C10orf105: variants seen among roughly 807,000 people sequenced by gnomAD.
C10orf105 encodes the protein uncharacterized protein C10orf105.
A neutral mutation model predicts 0.6 loss-of-function variants in C10orf105; 2 were observed. That is an observed-to-expected ratio of 3.18 (90% CI 1.30 to 10.01). C10orf105 has a LOEUF of 10.01. Among genes scored for constraint, C10orf105 ranks in the 30% most tolerant of loss-of-function variants. C10orf105 has a pLI of 0.04. For synonymous variants in C10orf105, 95 were observed against 82.4 expected, an observed-to-expected ratio of 1.15 and a Z score of -0.83; for missense variants, 209 against 191.4, an observed-to-expected ratio of 1.09 and a Z score of -0.54.
At chr10:71,735,695 T>G (rs1232918605) in intron 1 of C10orf105, among the ~76,000 whole-genome samples, 1 of 152,174 alleles carries the variant, frequency 6.6e-6, no homozygotes, top group Non-Finnish European at 1.5e-5. Context: ...CAAACACAAT[T>G]TCTTGGGGTT....
upstream of C10orf105, among the ~76,000 whole-genome samples, chr10:71,721,234 C>T (rs1348057822): frequency 1.3e-5 from 2 of 152,198 alleles, no homozygotes; most frequent in African/African-American, 4.8e-5. Flanking sequence ...ACAATTGAAG[C>T]ACCCTGTTAC....
In C10orf105 at chr10:71,725,507, G is replaced by A. The variant is rs876657755; in HGVS notation, c.-5-9165C>T. On this transcript the variant is annotated intron_variant, in intron 1 of 1. Coordinates refer to the C10orf105 transcript ENST00000398786. ...TACAACCACGACCTGGGCCCCATGC[G>A]GAGCTCCGTCAGGGTGAGGCTAGGG... The A allele has an allele frequency of 8.7e-6, 14 of 1,613,204 alleles. No homozygotes were observed. The highest frequency in any genetic ancestry group is 3.3e-5 in the South Asian group (3 of 90,930).
chr10:71,722,172 G>A (rs891896883), upstream of C10orf105, among the ~76,000 whole-genome samples: 8 of 152,200 alleles, frequency 5.3e-5, no homozygotes, highest in African/African-American at 1.9e-4. Flanking sequence ...CAGACATGGT[G>A]GCTCATGCCT....
At chr10:71,735,809 G>A (rs180677556) in intron 1 of C10orf105, among the ~76,000 whole-genome samples, 6 of 152,342 alleles carry the variant, frequency 3.9e-5, no homozygotes, top group African/African-American at 1.4e-4. Flanking sequence ...CTGGGGGTGA[G>A]TGAGGCTGTG....
chr10:71,727,167 C>G (rs1564760750), intron 1 of C10orf105, among the ~76,000 whole-genome samples: 1 of 152,218 alleles, frequency 6.6e-6, no homozygotes, highest in Non-Finnish European at 1.5e-5. Flanking sequence ...CTGTTAATAC[C>G]CCCATCTTAC....
rs145772111 is a variant in C10orf105, at chr10:71,731,667, G to A, written c.-6+6061C>T. ...CAAGAGATCCTTCATTTCCCCCAAT[G>A]CTTGTATGTCCAGATATCAAAGGGA... On this transcript the variant is annotated intron_variant, in intron 1 of 1. Transcript: ENST00000398786. Among the ~76,000 whole-genome samples the A allele has an allele frequency of 1.3e-3, 197 of 152,284 alleles. 2 individuals are homozygous for A. In the Middle Eastern group the frequency reaches 0.024, roughly 18 times the overall value.
chr10:71,730,358 C>G, intron 1 of C10orf105: 1 of 1,408,838 alleles, frequency 7.1e-7, no homozygotes, highest in South Asian at 1.4e-5. Context: ...AGGGAGCTCA[C>G]AGCAGGCCCA....
chr10:71,727,211 G>C (rs985371246), intron 1 of C10orf105, among the ~76,000 whole-genome samples: 2 of 152,198 alleles, frequency 1.3e-5, no homozygotes, highest in African/African-American at 4.8e-5. Flanking sequence ...GGAATTAGCC[G>C]ACTTGTTCAG....
intron 1 of C10orf105, among the ~76,000 whole-genome samples, chr10:71,718,559 C>T (rs937910828): frequency 1.3e-5 from 2 of 152,208 alleles, no homozygotes; most frequent in Non-Finnish European, 2.9e-5. Context: ...ATGGGGTGTG[C>T]CCACCGCTCA....
At chr10:71,723,116 A>G (rs1178223458), upstream of C10orf105, among the ~76,000 whole-genome samples, 1 of 152,164 alleles carries the variant, frequency 6.6e-6, no homozygotes, top group African/African-American at 2.4e-5. Context: ...AGGTGGTGAG[A>G]CAAGAAGGGG....
rs1166886985 is a variant in C10orf105 at position 71,732,367 on chromosome 10, G to A, written c.-6+5361C>T. The A allele has an allele frequency of 8.3e-6, 13 of 1,562,616 alleles. No homozygotes were observed. The highest frequency in any genetic ancestry group is 4.1e-5 in the African/African-American group (3 of 73,470). ...GGCCAAAGCCCTCTTCAAGATAGAC[G>A]CCATCACGGTGAGGGGCTGGGGGCA... is the stretch of plus-strand genomic sequence containing the variant. On this transcript the variant is annotated intron_variant, in intron 1 of 1. Transcript: ENST00000398786.
chr10:71,725,296 C>A, intron 1 of C10orf105: 4 of 1,605,736 alleles, frequency 2.5e-6, no homozygotes, highest in Non-Finnish European at 3.4e-6. Flanking sequence ...ACTTCTGCCC[C>A]CAACCATGGC....
rs373366898 is a variant in C10orf105, at chr10:71,732,225, C to T, written c.-6+5503G>A. 18 of 1,613,750 alleles carry T rather than the reference C, an allele frequency of 1.1e-5. No homozygotes were observed. Among genetic ancestry groups the T allele is most frequent in the Admixed American group, 6.7e-5 (4 of 59,976 alleles). ...CCGTGCAGTTCTCCAATGCCTCATA[C>T]GAGGCTGCCATCCTGGAGAATCTGG... On this transcript the variant is annotated intron_variant, in intron 1 of 1. Coordinates refer to the C10orf105 transcript ENST00000398786.
chr10:71,719,300 C>T (rs2132784305), intron 1 of C10orf105, among the ~76,000 whole-genome samples: 1 of 152,294 alleles, frequency 6.6e-6, no homozygotes, highest in Non-Finnish European at 1.5e-5. Context: ...GGCCAGGAAT[C>T]ATCTGGAGGG....
In C10orf105 at chr10:71,734,549, C is replaced by G. The variant is rs1839501483; in HGVS notation, c.-6+3179G>C. The G allele has an allele frequency of 2.6e-5, 42 of 1,607,630 alleles. 1 individual carries two copies. In the South Asian group the frequency reaches 4.2e-4, roughly 16 times the overall value. ...ACCTCAGGCAGGTGGAGGGTGGCAC[C>G]TCCAGAGACACTGCCGGGAGTGGGG... On this transcript the variant is annotated intron_variant, in intron 1 of 1. Transcript: ENST00000398786.
At chr10:71,731,756 T>G (rs1449482979) in intron 1 of C10orf105, among the ~76,000 whole-genome samples, 1 of 152,068 alleles carries the variant, frequency 6.6e-6, no homozygotes, top group Non-Finnish European at 1.5e-5. Flanking sequence ...CTATCTCTGG[T>G]GCCAAGGCCA....
intron 1 of C10orf105, among the ~76,000 whole-genome samples, chr10:71,726,263 A>T (rs1866805439): frequency 6.6e-6 from 1 of 151,948 alleles, no homozygotes; most frequent in Non-Finnish European, 1.5e-5. Context: ...AGACATCAGG[A>T]GTAGGAGGGA....
upstream of C10orf105, among the ~76,000 whole-genome samples, chr10:71,722,875 G>C (rs1047015267): frequency 5.9e-5 from 9 of 152,212 alleles, no homozygotes; most frequent in Non-Finnish European, 1.2e-4. Flanking sequence ...GGAGAGAGTG[G>C]TGGGAAGTGG....
rs188380204 is a variant in C10orf105, at chr10:71,729,105, G to C, written c.-6+8623C>G. 2.6e-5 allele frequency among the ~76,000 whole-genome samples: 4 copies of C among 152,132 alleles called. No individual in the cohort carries two copies. The East Asian group carries it at 7.7e-4, about 29-fold the overall frequency. ...CCACTTCAACCTCCCAAATTTCTGC[G>C]ATTACAGGCAAAAGCCACCATGCCT... is the stretch of plus-strand genomic sequence containing the variant. On this transcript the variant is annotated intron_variant, in intron 1 of 1. Transcript: ENST00000398786.
Sources: allele counts gnomAD v4.1 joint callset (sites outside exome capture counted in the v4.1 genomes callset), GRCh38; gene constraint gnomAD v4.1.1; transcripts MANE v1.5; gene names NCBI Gene and HGNC (gene_info 2026-07-23, HGNC 2026-07-21).